LRMDA: variants seen among roughly 807,000 people sequenced by gnomAD.
The protein encoded by LRMDA is leucine-rich melanocyte differentiation-associated protein.
In LRMDA, 18 loss-of-function variants were observed where a neutral mutation model predicts 29.8. The ratio of observed to expected loss-of-function variants is 0.60; its 90% CI spans 0.42 to 0.90. LRMDA has a LOEUF of 0.90. Among genes scored for constraint, LRMDA ranks in the 40% least tolerant of loss-of-function variants. LRMDA has a pLI of 0.00. For missense variants in LRMDA, 273 were observed against 273.9 expected (o/e 1.00, Z 0.02); for synonymous variants, 125 against 109.4 (o/e 1.14, Z -0.89).
intron 2 of LRMDA, among the ~76,000 whole-genome samples, chr10:75,503,877 T>G (rs1359465717): frequency 6.6e-6 from 1 of 152,124 alleles, no homozygotes. Context: ...TTTGGAAAGG[T>G]CAACAATCTG....
chr10:76,284,360 A>G (rs1374451446), intron 5 of LRMDA, among the ~76,000 whole-genome samples: 5 of 152,102 alleles, frequency 3.3e-5, no homozygotes. Context: ...TGCTTTTGAA[A>G]ATGGAGCCAG....
At chr10:76,110,660 T>A (rs1378692907) in intron 5 of LRMDA, among the ~76,000 whole-genome samples, 1 of 152,194 alleles carries the variant, frequency 6.6e-6, no homozygotes, top group East Asian at 1.9e-4. Context: ...TCATGAGATC[T>A]GATGGTTTTA....
intron 6 of LRMDA, among the ~76,000 whole-genome samples, chr10:76,511,571 C>A (rs1426994092): frequency 1.3e-5 from 2 of 151,888 alleles, no homozygotes; most frequent in East Asian, 1.9e-4. Context: ...AATCAATTTT[C>A]TTTCTATACA....
chr10:75,613,280 A>AT (rs1841056342), intron 2 of LRMDA, among the ~76,000 whole-genome samples: 1 of 152,168 alleles, frequency 6.6e-6, no homozygotes, highest in Non-Finnish European at 1.5e-5. Context: ...TTTCTCTGTT[A>AT]TAAAAATAAC....
chr10:75,938,114 G>C (rs192027290), intron 2 of LRMDA, among the ~76,000 whole-genome samples: 124 of 152,288 alleles, frequency 8.1e-4, no homozygotes, highest in Middle Eastern at 3.4e-3. Context: ...TGTTTCTTTA[G>C]GTCTCTCCTT....
chr10:75,498,847 C>G (rs573040416), intron 2 of LRMDA, among the ~76,000 whole-genome samples: 1 of 152,196 alleles, frequency 6.6e-6, no homozygotes, highest in East Asian at 1.9e-4. Flanking sequence ...AAAGTATTAG[C>G]AGGGGTTTGG....
At chr10:76,089,707 T>C (rs1247230893) in intron 5 of LRMDA, among the ~76,000 whole-genome samples, 1 of 152,140 alleles carries the variant, frequency 6.6e-6, no homozygotes, top group Non-Finnish European at 1.5e-5. Flanking sequence ...TGATCAGCTT[T>C]CCATATGCAC....
intron 6 of LRMDA, among the ~76,000 whole-genome samples, chr10:76,384,737 C>T (rs1841639612): frequency 6.6e-6 from 1 of 152,178 alleles, no homozygotes; most frequent in Non-Finnish European, 1.5e-5. Context: ...GAGCTTTGTA[C>T]TGATGATGAT....
chr10:75,837,578 G>T (rs1844462234), intron 2 of LRMDA, among the ~76,000 whole-genome samples: 1 of 152,088 alleles, frequency 6.6e-6, no homozygotes, highest in Admixed American at 6.5e-5. Flanking sequence ...GGATTTGAAG[G>T]CTCAAGAATT....
At chr10:75,556,815 A>G (rs926883593) in intron 2 of LRMDA, among the ~76,000 whole-genome samples, 2 of 151,496 alleles carry the variant, frequency 1.3e-5, no homozygotes, top group African/African-American at 4.9e-5. Flanking sequence ...AGATTGCAAC[A>G]AATTAATAAT....
intron 2 of LRMDA, among the ~76,000 whole-genome samples, chr10:75,965,790 C>T (rs1478256116): frequency 6.6e-6 from 1 of 152,134 alleles, no homozygotes; most frequent in Non-Finnish European, 1.5e-5. Flanking sequence ...ATCCAGAATC[C>T]TAGATTTCTC....
chr10:76,158,956 A>G (rs1309993495), intron 5 of LRMDA, among the ~76,000 whole-genome samples: 1 of 152,192 alleles, frequency 6.6e-6, no homozygotes, highest in South Asian at 2.1e-4. Context: ...CATTCTATTC[A>G]TGAGATAGAA....
intron 2 of LRMDA, among the ~76,000 whole-genome samples, chr10:75,499,063 G>A (rs1473058829): frequency 6.6e-6 from 1 of 152,050 alleles, no homozygotes; most frequent in African/African-American, 2.4e-5. Context: ...GAAGGGCGGT[G>A]GTGGAGAATG....
At chr10:75,913,444 A>C (rs971915236) in intron 2 of LRMDA, among the ~76,000 whole-genome samples, 3 of 152,210 alleles carry the variant, frequency 2.0e-5, no homozygotes, top group Admixed American at 6.5e-5. Flanking sequence ...CGACACAGCG[A>C]GACTCCGTCT....
intron 2 of LRMDA, among the ~76,000 whole-genome samples, chr10:75,445,959 C>T (rs1844389093): frequency 6.6e-6 from 1 of 152,218 alleles, no homozygotes; most frequent in Non-Finnish European, 1.5e-5. Flanking sequence ...CTTGTTGCTT[C>T]CTTGGCTTTG....
intron 5 of LRMDA, among the ~76,000 whole-genome samples, chr10:76,170,705 C>A (rs923780171): frequency 6.6e-6 from 1 of 152,146 alleles, no homozygotes; most frequent in Non-Finnish European, 1.5e-5. Flanking sequence ...AAATGTTATA[C>A]ATGTAAAATT....
At chr10:76,009,421 G>A (rs185234187) in intron 2 of LRMDA, among the ~76,000 whole-genome samples, 140 of 152,326 alleles carry the variant, frequency 9.2e-4, no homozygotes, top group African/African-American at 3.2e-3. Flanking sequence ...GAATGGTGCA[G>A]AAAAGTGTGA....
chr10:76,074,870 G>A (rs771873987), intron 5 of LRMDA, among the ~76,000 whole-genome samples: 2 of 152,176 alleles, frequency 1.3e-5, no homozygotes, highest in Non-Finnish European at 2.9e-5. Flanking sequence ...CGGTGGTTTA[G>A]TCAGTCTCCA....
chr10:76,518,789 CA>C (rs1185365659), intron 6 of LRMDA, among the ~76,000 whole-genome samples: 2 of 151,614 alleles, frequency 1.3e-5, no homozygotes, highest in Non-Finnish European at 2.9e-5. Flanking sequence ...TCAAACAGAA[CA>C]AAAAAAGATA....
Sources: gnomAD v4.1 joint callset for allele counts (sites outside exome capture counted in the v4.1 genomes callset) on GRCh38, gnomAD v4.1.1 for gene constraint, MANE v1.5 for transcripts, NCBI Gene and HGNC (gene_info 2026-07-23, HGNC 2026-07-21) for gene names.